EPB41L4A: variants seen among roughly 807,000 people sequenced by gnomAD.
EPB41L4A encodes erythrocyte membrane protein band 4.1 like 4A.
A neutral mutation model predicts 108.6 loss-of-function variants in EPB41L4A; 100 were observed. The observed-to-expected ratio is 0.92, with a 90% CI of 0.78 to 1.09. The LOEUF is 1.09. Among genes scored for constraint, EPB41L4A ranks in the 50% least tolerant of loss-of-function variants. The probability of loss-of-function intolerance (pLI) is 0.00; values close to 1 mark genes in which losing one functional copy is unlikely to be tolerated. For synonymous variants in EPB41L4A, 319 were observed against 289.0 expected, an observed-to-expected ratio of 1.10 and a Z score of -1.05; for missense variants, 1,030 against 842.7, an observed-to-expected ratio of 1.22 and a Z score of -2.75.
At chr5:112,228,965 T>A (rs902334357) in intron 12 of EPB41L4A, among the ~76,000 whole-genome samples, 1 of 152,236 alleles carries the variant, frequency 6.6e-6, no homozygotes, top group African/African-American at 2.4e-5. Flanking sequence ...AATGGCTTTT[T>A]AGCTGCCAGG....
chr5:112,148,991 A>G (rs1759367415), intron 12 of EPB41L4A, among the ~76,000 whole-genome samples: 1 of 152,206 alleles, frequency 6.6e-6, no homozygotes, highest in African/African-American at 2.4e-5. Flanking sequence ...AAAATTCAGA[A>G]TATTTCATAT....
intron 18 of EPB41L4A, among the ~76,000 whole-genome samples, chr5:112,176,322 G>T (rs1187530115): frequency 2.0e-5 from 3 of 152,138 alleles, no homozygotes; most frequent in Non-Finnish European, 4.4e-5. Flanking sequence ...TCAAATAAAG[G>T]ACAGAGCTCA....
chr5:112,234,500 A>G (rs1749187992), intron 12 of EPB41L4A, 134 bp downstream of exon 12: 1 of 763,450 alleles, frequency 1.3e-6, no homozygotes, highest in Admixed American at 3.1e-5. Flanking sequence ...AAAATTTCTA[A>G]TATTAGAAAA....
intron 1 of EPB41L4A, among the ~76,000 whole-genome samples, chr5:112,314,505 T>TAAAAAAAAAAAAAAAAAAAAAA (rs552428109): frequency 1.4e-4 from 8 of 55,184 alleles, no homozygotes; most frequent in African/African-American, 4.8e-4. Context: ...CCATCGCTAC[T>TAAAAAAAAAAAAAAAAAAAAAA]AAAAAAAAAA....
intron 12 of EPB41L4A, among the ~76,000 whole-genome samples, chr5:112,155,287 C>G (rs1322498949): frequency 6.6e-6 from 1 of 151,746 alleles, no homozygotes; most frequent in Non-Finnish European, 1.5e-5. Flanking sequence ...ATGTATCTCT[C>G]AAACAACATT....
intron 9 of EPB41L4A, among the ~76,000 whole-genome samples, chr5:112,247,678 G>A (rs986104675): frequency 2.6e-5 from 4 of 152,128 alleles, no homozygotes; most frequent in African/African-American, 9.7e-5. Context: ...TACAGGTCCT[G>A]AATTCTTACA....
At chr5:112,167,429 G>A (rs1045770121) in intron 22 of EPB41L4A, among the ~76,000 whole-genome samples, 7 of 152,172 alleles carry the variant, frequency 4.6e-5, no homozygotes, top group African/African-American at 1.2e-4. Flanking sequence ...TAGAAGCTGC[G>A]TTTACCATGC....
intron 12 of EPB41L4A, among the ~76,000 whole-genome samples, chr5:112,222,709 T>G (rs1748152490): frequency 6.6e-6 from 1 of 152,190 alleles, no homozygotes; most frequent in South Asian, 2.1e-4. Context: ...CCCAAAAGGC[T>G]TGGTTGTCCC....
At chr5:112,204,586 C>T (rs1762380834) in intron 14 of EPB41L4A, 98 bp from the exon 15 acceptor site, 2 of 683,160 alleles carry the variant, frequency 2.9e-6, no homozygotes, top group East Asian at 2.6e-5. Context: ...GCTGGTACTT[C>T]CAGAGGCACA....
intron 1 of EPB41L4A, among the ~76,000 whole-genome samples, chr5:112,416,037 T>C (rs1460402579): frequency 2.0e-5 from 3 of 152,122 alleles, no homozygotes; most frequent in Non-Finnish European, 4.4e-5. Flanking sequence ...ATAAAATTAT[T>C]TTCCATTTAA....
intron 1 of EPB41L4A, among the ~76,000 whole-genome samples, chr5:112,396,391 T>C (rs1309255490): frequency 6.6e-6 from 1 of 152,240 alleles, no homozygotes; most frequent in Admixed American, 6.5e-5. Context: ...CAGTTTTAAA[T>C]GAATTCACAC....
chr5:112,163,757 G>A lies in EPB41L4A; in HGVS notation c.*1233C>T, dbSNP rs1400489185. ...TTAGTTGCTTGGCGGGAGGGGGTTT[G>A]TGGTTGTGAAAGATAGTTTTGTTTA... On this transcript the variant is annotated 3_prime_UTR_variant, in exon 23 of 23. Coordinates refer to ENST00000261486, the MANE Select transcript of EPB41L4A (RefSeq NM_022140.5). The A allele has an allele frequency of 6.6e-6, 1 of 152,202 alleles. No homozygotes were observed. The highest frequency in any genetic ancestry group is 1.5e-5 in the Non-Finnish European group (1 of 68,040). 9.4% of individuals were successfully genotyped at this position (152,202 alleles called of 1,614,324 possible). A position where few individuals can be genotyped will look rare whatever the true frequency, so the allele number is the denominator to read the frequency against.
intron 12 of EPB41L4A, among the ~76,000 whole-genome samples, chr5:112,233,927 C>T (rs11241156): frequency 0.21 from 31,323 of 151,894 alleles, 3,794 homozygotes; most frequent in African/African-American, 0.33. Flanking sequence ...TTCCTGGGCT[C>T]CAGCCATCCT....
At chr5:112,223,508 T>C (rs905873465) in intron 12 of EPB41L4A, among the ~76,000 whole-genome samples, 1 of 152,152 alleles carries the variant, frequency 6.6e-6, no homozygotes, top group Admixed American at 6.5e-5. Context: ...CAGGAATATC[T>C]ATCCCCAAAA....
intron 1 of EPB41L4A, among the ~76,000 whole-genome samples, chr5:112,398,640 C>T (rs547342088): frequency 1.2e-4 from 18 of 152,220 alleles, no homozygotes; most frequent in Non-Finnish European, 2.2e-4. Context: ...CCTCCTGCCT[C>T]GGCCTCCCAA....
chr5:112,419,661 G>A, upstream of EPB41L4A: 1 of 456,582 alleles, frequency 2.2e-6, no homozygotes, highest in South Asian at 1.5e-5. Flanking sequence ...TGGGCGCAGG[G>A]GCAGAGGCGA....
At chr5:112,267,523 AC>A (rs1751948429) in intron 4 of EPB41L4A, among the ~76,000 whole-genome samples, 1 of 152,006 alleles carries the variant, frequency 6.6e-6, no homozygotes, top group African/African-American at 2.4e-5. Flanking sequence ...AGTAAATGGC[AC>A]CCCCGCCTTC....
intron 1 of EPB41L4A, among the ~76,000 whole-genome samples, chr5:112,337,575 A>T (rs765968364): frequency 6.6e-6 from 1 of 152,194 alleles, no homozygotes; most frequent in Non-Finnish European, 1.5e-5. Flanking sequence ...AAGCAAAGTG[A>T]TTGACCTAAG....
intron 18 of EPB41L4A, among the ~76,000 whole-genome samples, chr5:112,171,970 C>T (rs1760605042): frequency 6.6e-6 from 1 of 152,146 alleles, no homozygotes. Flanking sequence ...TTTCATTCTT[C>T]TCGATTCATA....
Sources: gnomAD v4.1 joint callset for allele counts (sites outside exome capture counted in the v4.1 genomes callset) on GRCh38, gnomAD v4.1.1 for gene constraint, MANE v1.5 for transcripts, NCBI Gene and HGNC (gene_info 2026-07-23, HGNC 2026-07-21) for gene names.